Variants in SMURF1 observed in about 807,000 individuals in gnomAD.
SMURF1 encodes the protein SMAD specific E3 ubiquitin protein ligase 1.
Under a neutral mutation model 98.0 loss-of-function variants are expected in SMURF1, and 44 were observed. The ratio of observed to expected loss-of-function variants is 0.45; its 90% CI spans 0.35 to 0.58. The LOEUF is 0.58. SMURF1 is among the 20% of genes least tolerant of loss of function. The pLI is 0.00. For synonymous variants in SMURF1, 396 were observed against 374.9 expected (o/e 1.06, Z -0.65); for missense variants, 687 against 938.4 (o/e 0.73, Z 3.50).
chr7:99,099,749 A>G (rs1797032949), intron 1 of SMURF1, among the ~76,000 whole-genome samples: 1 of 152,158 alleles, frequency 6.6e-6, no homozygotes, highest in South Asian at 2.1e-4. Context: ...GTTGTTCAGA[A>G]GAGTCTGGCT....
intron 1 of SMURF1, among the ~76,000 whole-genome samples, chr7:99,136,363 C>A (rs1243899898): frequency 1.3e-5 from 2 of 152,132 alleles, no homozygotes; most frequent in Non-Finnish European, 2.9e-5. Context: ...ACCAGACTTT[C>A]ATTTTCGTAT....
At chr7:99,098,670 AGCTATGGG>A (rs967719729) in intron 1 of SMURF1, among the ~76,000 whole-genome samples, 2 of 152,122 alleles carry the variant, frequency 1.3e-5, no homozygotes, top group Admixed American at 1.3e-4. Flanking sequence ...CCAAACACTA[AGCTATGGG>A]GCAACTAAAA....
At chr7:99,048,016 G>A (rs1272740861) in intron 9 of SMURF1, 134 bp from the exon 10 acceptor site, 29 of 787,368 alleles carry the variant, frequency 3.7e-5, no homozygotes, top group Middle Eastern at 3.7e-4. Flanking sequence ...CCCTGATGAC[G>A]TAACCAGGTA....
chr7:99,084,965 G>GT (rs1796648355), intron 1 of SMURF1, among the ~76,000 whole-genome samples: 1 of 152,138 alleles, frequency 6.6e-6, no homozygotes, highest in Non-Finnish European at 1.5e-5. Flanking sequence ...TTCAAAGTGT[G>GT]TAGCAACTAG....
chr7:99,136,366 T>A (rs544291677), intron 1 of SMURF1, among the ~76,000 whole-genome samples: 1 of 152,324 alleles, frequency 6.6e-6, no homozygotes, highest in African/African-American at 2.4e-5. Flanking sequence ...AGACTTTCAT[T>A]TTCGTATCCA....
At chr7:99,059,126 G>A (rs142807150) in intron 3 of SMURF1, among the ~76,000 whole-genome samples, 4,612 of 151,534 alleles carry the variant, frequency 0.03, 103 homozygotes, top group South Asian at 0.057. Flanking sequence ...TAGGCCGGGC[G>A]CGGTGGCTCA....
At chr7:99,066,143 G>A (rs1796187793) in intron 1 of SMURF1, among the ~76,000 whole-genome samples, 1 of 151,856 alleles carries the variant, frequency 6.6e-6, no homozygotes, top group South Asian at 2.1e-4. Context: ...CCTTGTCCAA[G>A]CTCCCAACAC....
At chr7:99,057,699 G>C (rs1282800794) in intron 3 of SMURF1, 148 bp from the exon 4 acceptor site, 5 of 950,756 alleles carry the variant, frequency 5.3e-6, no homozygotes, top group East Asian at 3.1e-5. Flanking sequence ...CCAAGTTCAA[G>C]TGATTCTCCT....
chr7:99,030,962 C>T (rs536030494), intron 17 of SMURF1: 22 of 313,728 alleles, frequency 7.0e-5, no homozygotes, highest in Admixed American at 1.9e-4. Flanking sequence ...GCCCTCTCAA[C>T]GTGCTGGGAG....
chr7:99,071,311 C>T lies in SMURF1; in HGVS notation c.56-9474G>A, dbSNP rs1020164554. Among the ~76,000 whole-genome samples the T allele has an allele frequency of 6.2e-4, 95 of 152,166 alleles. 1 individual carries two copies. The highest frequency in any genetic ancestry group is 1.2e-3 in the Non-Finnish European group (85 of 68,032). On this transcript the variant is annotated intron_variant, in intron 1 of 17. Transcript: ENST00000361368. ...CTGACCTCAGGTGATCCACCCGCCT[C>T]GGCCTCACAAAGTGCTGGGATTACA...
intron 1 of SMURF1, among the ~76,000 whole-genome samples, chr7:99,107,485 T>G (rs1048223248): frequency 1.3e-5 from 2 of 152,150 alleles, no homozygotes; most frequent in Non-Finnish European, 2.9e-5. Context: ...GACACTGACA[T>G]TAAGATATTT....
intron 16 of SMURF1, 51 bp downstream of exon 16, chr7:99,035,464 C>T: frequency 6.2e-7 from 1 of 1,601,026 alleles, no homozygotes. Flanking sequence ...TCTTCCTGCC[C>T]ACAGCGCACA....
intron 1 of SMURF1, among the ~76,000 whole-genome samples, chr7:99,117,435 G>C (rs1032739514): frequency 1.8e-4 from 28 of 151,906 alleles, no homozygotes; most frequent in African/African-American, 6.5e-4. Context: ...TGCAACCTCC[G>C]CCTCCTGGGT....
intron 15 of SMURF1, among the ~76,000 whole-genome samples, chr7:99,036,698 T>A (rs1795159299): frequency 6.6e-6 from 1 of 152,062 alleles, no homozygotes. Flanking sequence ...GTTCCTAGGC[T>A]AGGAAGAGCC....
chr7:99,051,786 CTT>C (rs1264797036), intron 7 of SMURF1, among the ~76,000 whole-genome samples: 2 of 152,188 alleles, frequency 1.3e-5, no homozygotes, highest in Admixed American at 1.3e-4. Context: ...TTCCAGTTGT[CTT>C]TACACTGCCA....
chr7:99,072,803 T>A lies in SMURF1; in HGVS notation c.56-10966A>T, dbSNP rs529285690. Among the ~76,000 whole-genome samples the A allele has an allele frequency of 1.6e-4, 25 of 152,364 alleles. 1 individual carries two copies. In the South Asian group the frequency reaches 4.1e-3, roughly 25 times the overall value. On this transcript the variant is annotated intron_variant, in intron 1 of 17. Transcript: ENST00000361368. ...TTTCCTATTTATCATTTTATAGTGCTACTTCCATAACACTGAAGTATTTAA... is the reference window on the plus strand; with the variant it reads ...TTTCCTATTTATCATTTTATAGTGCAACTTCCATAACACTGAAGTATTTAA...
intron 1 of SMURF1, among the ~76,000 whole-genome samples, chr7:99,080,143 A>C (rs910441304): frequency 2.0e-5 from 3 of 152,254 alleles, no homozygotes; most frequent in Admixed American, 6.5e-5. Context: ...GCCCAACTTT[A>C]AACCAATAGC....
chr7:99,103,047 C>A (rs556676487), intron 1 of SMURF1, among the ~76,000 whole-genome samples: 2 of 152,290 alleles, frequency 1.3e-5, no homozygotes, highest in Non-Finnish European at 2.9e-5. Flanking sequence ...AAGCGATCCA[C>A]CCACCTCAGC....
At chr7:99,072,456 C>G (rs1279042769) in intron 1 of SMURF1, among the ~76,000 whole-genome samples, 1 of 152,030 alleles carries the variant, frequency 6.6e-6, no homozygotes, top group African/African-American at 2.4e-5. Context: ...CCAGCCTGAC[C>G]AACGCAGTGA....
Sources: allele counts gnomAD v4.1 joint callset (sites outside exome capture counted in the v4.1 genomes callset), GRCh38; gene constraint gnomAD v4.1.1; transcripts MANE v1.5; gene names NCBI Gene and HGNC (gene_info 2026-07-23, HGNC 2026-07-21).